CASD1: variants seen among roughly 807,000 people sequenced by gnomAD.
CASD1 encodes N-acetylneuraminate (7)9-O-acetyltransferase.
In CASD1, 41 loss-of-function variants were observed where a neutral mutation model predicts 100.0. That is an observed-to-expected ratio of 0.41 (90% CI 0.32 to 0.53). CASD1 has a LOEUF of 0.53. CASD1 is among the 20% of genes least tolerant of loss of function. The pLI, the probability that CASD1 is intolerant of heterozygous loss-of-function variation, is 0.25. For synonymous variants in CASD1, 321 were observed against 315.6 expected, an observed-to-expected ratio of 1.02 and a Z score of -0.18; for missense variants, 774 against 948.7, an observed-to-expected ratio of 0.82 and a Z score of 2.42.
At chr7:94,526,136 G>A (rs991668268) in intron 3 of CASD1, among the ~76,000 whole-genome samples, 1 of 152,164 alleles carries the variant, frequency 6.6e-6, no homozygotes, top group Non-Finnish European at 1.5e-5. Context: ...TAGTACACTG[G>A]TGAGAATGGA....
At chr7:94,576,020 A>G in the CASD1 span, among the ~76,000 whole-genome samples, 1 of 152,122 alleles carries the variant, frequency 6.6e-6, no homozygotes, top group African/African-American at 2.4e-5. Flanking sequence ...TGTTTTTCAT[A>G]AAAGTTTTGG....
At chr7:94,519,871 T>C (rs958117070) in intron 3 of CASD1, among the ~76,000 whole-genome samples, 5 of 152,192 alleles carry the variant, frequency 3.3e-5, no homozygotes, top group Non-Finnish European at 7.3e-5. Context: ...ATTTCTTGGC[T>C]TAAAGTTGCA....
the CASD1 span, among the ~76,000 whole-genome samples, chr7:94,570,987 A>G: frequency 4.7e-5 from 7 of 149,624 alleles, no homozygotes; most frequent in African/African-American, 1.2e-4. Context: ...AGACAGGTCT[A>G]TTGGTAAGAG....
intron 5 of CASD1, among the ~76,000 whole-genome samples, chr7:94,529,847 T>C (rs1349281511): frequency 2.0e-5 from 3 of 152,064 alleles, no homozygotes; most frequent in African/African-American, 7.2e-5. Flanking sequence ...TCTGAGAAAA[T>C]TTTATAGAGG....
chr7:94,571,087 A>C, the CASD1 span, among the ~76,000 whole-genome samples: 11 of 151,430 alleles, frequency 7.3e-5, no homozygotes, highest in South Asian at 1.9e-3. Context: ...TGTGTCACCA[A>C]GGCTGGAAAG....
chr7:94,522,932 A>G (rs1248290533), intron 3 of CASD1, among the ~76,000 whole-genome samples: 1 of 152,212 alleles, frequency 6.6e-6, no homozygotes, highest in Non-Finnish European at 1.5e-5. Context: ...AAGTGCTGGG[A>G]TTACAGGTGT....
chr7:94,526,742 G>A (rs989768341), intron 3 of CASD1, among the ~76,000 whole-genome samples: 3 of 152,188 alleles, frequency 2.0e-5, no homozygotes, highest in East Asian at 1.9e-4. Context: ...GCAATGAACC[G>A]AGATTGCTCC....
intron 5 of CASD1, 52 bp from the exon 6 acceptor site, chr7:94,533,153 G>A (rs1794932710): frequency 1.6e-6 from 2 of 1,284,048 alleles, no homozygotes; most frequent in East Asian, 4.7e-5. Flanking sequence ...GTTACTTGTA[G>A]TAATTCCCTG....
chr7:94,512,669 A>C (rs1193917021), intron 1 of CASD1, among the ~76,000 whole-genome samples: 2 of 152,220 alleles, frequency 1.3e-5, no homozygotes, highest in African/African-American at 4.8e-5. Context: ...TGAGGTAGAT[A>C]CAATTACCAT....
chr7:94,633,563 A>G, the CASD1 span, among the ~76,000 whole-genome samples: 25 of 151,952 alleles, frequency 1.6e-4, no homozygotes, highest in Admixed American at 1.5e-3. Context: ...CATTTCAACA[A>G]CTCTATATTA....
chr7:94,523,515 A>G (rs572119644), intron 3 of CASD1, among the ~76,000 whole-genome samples: 3 of 152,360 alleles, frequency 2.0e-5, no homozygotes, highest in East Asian at 3.9e-4. Flanking sequence ...GAAGATCTGT[A>G]TGCAGAAAAG....
At position 94,554,582 on chromosome 7, in the gene CASD1, A is replaced by G; in HGVS notation, c.2127+7A>G. The G allele has an allele frequency of 6.3e-7, 1 of 1,579,706 alleles. No individual in the cohort carries two copies. The highest frequency in any genetic ancestry group is 8.7e-7 in the Non-Finnish European group (1 of 1,149,898). ...TGGAAAAATTTCATTAGAGGTTGGT[A>G]CATTAATATTTTGCTTATCTTACAC... On this transcript the variant is annotated splice_region_variant and intron_variant, in intron 17 of 17. Coordinates refer to ENST00000297273, the MANE Select transcript of CASD1 (RefSeq NM_022900.5).
the CASD1 span, among the ~76,000 whole-genome samples, chr7:94,580,701 A>C: frequency 6.6e-6 from 1 of 152,216 alleles, no homozygotes; most frequent in African/African-American, 2.4e-5. Flanking sequence ...TACTCATCTT[A>C]GGCTGCAAAG....
chr7:94,555,498 A>G lies in CASD1; in HGVS notation c.2134A>G (p.Ile712Val). ...WFGKISLELF[I>V]CQYHIWLAAD... ...TAAATATTTTTTCTCCTAGCTATTT[A>G]TTTGCCAGTATCACATATGGCTGGC... is the stretch of plus-strand genomic sequence containing the variant. The change falls in exon 18 of 18, where the codon ATT becomes GTT. Residue 712 changes from isoleucine to valine, a missense_variant. By Grantham distance (29) the Ile-to-Val change is conservative. Coordinates refer to ENST00000297273, the MANE Select transcript of CASD1 (RefSeq NM_022900.5). 6.2e-7 allele frequency: 1 copy of G among 1,611,622 alleles called. No homozygotes were observed. Among genetic ancestry groups the G allele is most frequent in the Non-Finnish European group, 8.5e-7 (1 of 1,178,606 alleles).
the CASD1 span, among the ~76,000 whole-genome samples, chr7:94,604,661 G>T: frequency 6.6e-6 from 1 of 151,358 alleles, no homozygotes; most frequent in African/African-American, 2.4e-5. Flanking sequence ...AACTAATGGT[G>T]CTGGAAAAAC....
chr7:94,621,534 C>A, the CASD1 span: 1 of 152,168 alleles, frequency 6.6e-6, no homozygotes. Flanking sequence ...TAATCTGTAT[C>A]TACAGCACTG....
At chr7:94,550,868 C>T (rs1359309976) in intron 14 of CASD1, among the ~76,000 whole-genome samples, 2 of 152,088 alleles carry the variant, frequency 1.3e-5, no homozygotes, top group Non-Finnish European at 2.9e-5. Context: ...AGAGAAAGCT[C>T]ATGTACTTTC....
the CASD1 span, among the ~76,000 whole-genome samples, chr7:94,615,360 AAATAAATAG>A: frequency 7.6e-6 from 1 of 131,570 alleles, no homozygotes; most frequent in African/African-American, 3.0e-5. Flanking sequence ...CTCTGTCTCA[AAATAAATAG>A]ATAGATAGAT....
the CASD1 span, chr7:94,594,472 A>C: frequency 6.6e-6 from 1 of 152,106 alleles, no homozygotes; most frequent in Non-Finnish European, 1.5e-5. Flanking sequence ...CATGGGACAC[A>C]AGAAAGGTCT....
Sources: allele counts gnomAD v4.1 joint callset (sites outside exome capture counted in the v4.1 genomes callset), GRCh38; gene constraint gnomAD v4.1.1; transcripts MANE v1.5; gene names NCBI Gene and HGNC (gene_info 2026-07-23, HGNC 2026-07-21).